Variants in KIF6 observed in about 807,000 individuals in gnomAD.
KIF6 encodes kinesin-like protein KIF6.
Under a neutral mutation model 112.7 loss-of-function variants are expected in KIF6, and 106 were observed. The ratio of observed to expected loss-of-function variants is 0.94; its 90% CI spans 0.80 to 1.11. KIF6 has a LOEUF of 1.11. Ranked by LOEUF, KIF6 falls within the 50% of genes least tolerant of loss-of-function variation. The pLI is 0.00. For missense variants in KIF6, 929 were observed against 964.0 expected (o/e 0.96, Z 0.48); for synonymous variants, 339 against 339.9 (o/e 1.00, Z 0.03).
At chr6:39,592,026 G>T (rs1161062755) in intron 7 of KIF6, among the ~76,000 whole-genome samples, 1 of 152,126 alleles carries the variant, frequency 6.6e-6, no homozygotes, top group East Asian at 1.9e-4. Context: ...GCAGGAGAAT[G>T]GCAAGAACCC....
chr6:39,721,681 C>T (rs371584860), intron 1 of KIF6, among the ~76,000 whole-genome samples: 138 of 152,004 alleles, frequency 9.1e-4, no homozygotes, highest in African/African-American at 2.8e-3. Context: ...AATTGAGGTT[C>T]CTTGTACATA....
At chr6:39,643,109 AG>A (rs1784993634) in intron 3 of KIF6, among the ~76,000 whole-genome samples, 1 of 152,206 alleles carries the variant, frequency 6.6e-6, no homozygotes, top group Admixed American at 6.5e-5. Context: ...TGCCAGACAT[AG>A]AAGTCTCTAT....
intron 3 of KIF6, among the ~76,000 whole-genome samples, chr6:39,678,127 G>A (rs1014752699): frequency 1.3e-5 from 2 of 151,644 alleles, no homozygotes; most frequent in African/African-American, 4.9e-5. Context: ...AGTTAGAATG[G>A]CAATCATTAA....
At chr6:39,586,455 C>A in intron 7 of KIF6, 51 bp from the exon 8 acceptor site, 1 of 1,477,576 alleles carries the variant, frequency 6.8e-7, no homozygotes, top group South Asian at 1.2e-5. Context: ...AAAATGCACT[C>A]CTGACAAACA....
At chr6:39,465,019 T>G (rs1183833995) in intron 13 of KIF6, among the ~76,000 whole-genome samples, 2 of 152,168 alleles carry the variant, frequency 1.3e-5, no homozygotes, top group Non-Finnish European at 2.9e-5. Flanking sequence ...ATCTGTAAAT[T>G]TTAATTGGTC....
At chr6:39,578,306 A>C (rs1781087627) in intron 9 of KIF6, 147 bp from the exon 10 acceptor site, 1 of 576,858 alleles carries the variant, frequency 1.7e-6, no homozygotes, top group Admixed American at 2.9e-5. Flanking sequence ...TTAAATCTTA[A>C]CGTTTTGTCA....
chr6:39,710,633 C>A (rs1789493776), intron 3 of KIF6, among the ~76,000 whole-genome samples: 1 of 152,008 alleles, frequency 6.6e-6, no homozygotes, highest in African/African-American at 2.4e-5. Flanking sequence ...CACTGAAAAG[C>A]AAATTACCAT....
At chr6:39,366,201 T>C (rs9349116) in intron 16 of KIF6, among the ~76,000 whole-genome samples, 102,560 of 151,994 alleles carry the variant, frequency 0.67, 34,744 homozygotes, top group Admixed American at 0.68. Flanking sequence ...GCCCATTCCC[T>C]GCGCAACACC....
intron 3 of KIF6, among the ~76,000 whole-genome samples, chr6:39,662,828 A>G (rs939594509): frequency 6.6e-6 from 1 of 152,166 alleles, no homozygotes; most frequent in African/African-American, 2.4e-5. Context: ...GCACACACAC[A>G]TAGTCAAAAA....
chr6:39,574,682 T>C (rs1027676603), intron 10 of KIF6, among the ~76,000 whole-genome samples: 10 of 152,216 alleles, frequency 6.6e-5, no homozygotes, highest in African/African-American at 2.2e-4. Flanking sequence ...TTGCATGTCT[T>C]ATTTTTTTAG....
intron 3 of KIF6, among the ~76,000 whole-genome samples, chr6:39,676,062 G>A (rs1160334911): frequency 5.5e-5 from 8 of 145,694 alleles, no homozygotes; most frequent in African/African-American, 1.0e-4. Context: ...AGGAAATATG[G>A]AAAAAAAAAA....
chr6:39,679,390 T>C (rs1202038054), intron 3 of KIF6, among the ~76,000 whole-genome samples: 3 of 152,052 alleles, frequency 2.0e-5, no homozygotes, highest in Non-Finnish European at 4.4e-5. Flanking sequence ...TACCTAGAAA[T>C]GGAACGGTGG....
intron 10 of KIF6, among the ~76,000 whole-genome samples, chr6:39,577,478 G>C (rs1194486410): frequency 6.6e-6 from 1 of 152,248 alleles, no homozygotes; most frequent in African/African-American, 2.4e-5. Context: ...ACTGTGATCA[G>C]AGAGAGAATG....
chr6:39,368,100 C>T (rs1004096014), intron 16 of KIF6, among the ~76,000 whole-genome samples: 1 of 152,146 alleles, frequency 6.6e-6, no homozygotes, highest in African/African-American at 2.4e-5. Flanking sequence ...CAGCACGTCC[C>T]CTACATGCCT....
intron 16 of KIF6, among the ~76,000 whole-genome samples, chr6:39,382,501 G>T (rs2150308748): frequency 6.6e-6 from 1 of 150,632 alleles, no homozygotes; most frequent in East Asian, 2.0e-4. Flanking sequence ...ATGTGATTTT[G>T]TTTTTTTTTA....
chr6:39,353,191 T>A (rs1581651450), intron 19 of KIF6, among the ~76,000 whole-genome samples: 1 of 152,226 alleles, frequency 6.6e-6, no homozygotes, highest in Non-Finnish European at 1.5e-5. Context: ...CCTCTAGCAA[T>A]GAACGAGAGT....
chr6:39,337,469 C>T (rs1176423473), intron 22 of KIF6, among the ~76,000 whole-genome samples: 7 of 151,728 alleles, frequency 4.6e-5, no homozygotes, highest in African/African-American at 1.2e-4. Context: ...CCCACCACCA[C>T]GTCTGGCTAA....
intron 13 of KIF6, among the ~76,000 whole-genome samples, chr6:39,492,175 T>C (rs1217160094): frequency 6.6e-6 from 1 of 152,184 alleles, no homozygotes; most frequent in African/African-American, 2.4e-5. Context: ...AGGGCATTCC[T>C]CACAGATACT....
intron 3 of KIF6, among the ~76,000 whole-genome samples, chr6:39,680,033 G>A (rs2245746): frequency 0.32 from 48,929 of 151,768 alleles, 9,224 homozygotes; most frequent in Non-Finnish European, 0.4. Context: ...TTTTGAGGCA[G>A]GGTCTCATGC....
Sources: gnomAD v4.1 joint callset for allele counts (sites outside exome capture counted in the v4.1 genomes callset) on GRCh38, gnomAD v4.1.1 for gene constraint, MANE v1.5 for transcripts, NCBI Gene and HGNC (gene_info 2026-07-23, HGNC 2026-07-21) for gene names.